The following ZDHHC23 variants were observed in gnomAD, a reference collection of about 807,000 sequenced individuals.
The protein encoded by ZDHHC23 is zDHHC palmitoyltransferase 23, also known as palmitoyltransferase ZDHHC23.
ZDHHC23 carries 41 observed loss-of-function variants against 40.2 expected under a neutral mutation model. The observed-to-expected ratio is 1.02, with a 90% CI of 0.79 to 1.32. The LOEUF (loss-of-function observed/expected upper bound fraction) is 1.32. ZDHHC23 is among the 40% of genes most tolerant of loss of function. The pLI is 0.00. For missense variants in ZDHHC23, 471 were observed against 541.5 expected, an observed-to-expected ratio of 0.87 and a Z score of 1.29; for synonymous variants, 204 against 210.2, an observed-to-expected ratio of 0.97 and a Z score of 0.26.
chr3:113,972,985 G>A, the ZDHHC23 span, among the ~76,000 whole-genome samples: 7 of 151,950 alleles, frequency 4.6e-5, no homozygotes, highest in African/African-American at 1.7e-4. Flanking sequence ...GCATACAGTT[G>A]GATCTTGTTT....
chr3:113,955,148 C>T (rs1160469784), intron 3 of ZDHHC23, among the ~76,000 whole-genome samples: 1 of 152,156 alleles, frequency 6.6e-6, no homozygotes, highest in African/African-American at 2.4e-5. Flanking sequence ...TGAATTAATG[C>T]TTTTCGTGTC....
chr3:113,965,369 T>A (rs1312254632), downstream of ZDHHC23: 1 of 1,530,164 alleles, frequency 6.5e-7, no homozygotes, highest in South Asian at 1.3e-5. Context: ...CCTTTAAGAA[T>A]AAAGAAGGAA....
chr3:113,974,111 C>G, the ZDHHC23 span, among the ~76,000 whole-genome samples: 1 of 151,796 alleles, frequency 6.6e-6, no homozygotes, highest in African/African-American at 2.4e-5. Flanking sequence ...TTTCTCAGTT[C>G]CAAGATTTGT....
chr3:113,951,212 G>A (rs1461845527), intron 2 of ZDHHC23, among the ~76,000 whole-genome samples: 1 of 152,142 alleles, frequency 6.6e-6, no homozygotes, highest in East Asian at 1.9e-4. Context: ...TGCCTCAGTG[G>A]GGTCTCTCTG....
chr3:113,967,006 C>T (rs914211899), downstream of ZDHHC23, among the ~76,000 whole-genome samples: 13 of 151,822 alleles, frequency 8.6e-5, no homozygotes, highest in East Asian at 3.9e-4. Context: ...GGCTGAGGCA[C>T]GAGAATCACT....
At chr3:113,973,883 T>G in the ZDHHC23 span, among the ~76,000 whole-genome samples, 1 of 151,724 alleles carries the variant, frequency 6.6e-6, no homozygotes, top group South Asian at 2.1e-4. Flanking sequence ...TACCCCTTGT[T>G]CTCATTCAAG....
chr3:113,958,309 G>A, intron 4 of ZDHHC23, 54 bp from the exon 5 acceptor site: 1 of 1,504,958 alleles, frequency 6.6e-7, no homozygotes, highest in South Asian at 1.2e-5. Context: ...AATGATGACA[G>A]TTTTCTGAAT....
At position 113,953,940 on chromosome 3, in the gene ZDHHC23, G is replaced by A; in HGVS notation, c.402G>A (p.Arg134=). ...ALWYYYLTHR[R]KEQTLFFLSL... is the part of the protein sequence containing the mutation. ...GGTACTACTACCTCACTCACAGAAG[G>A]AAAGAACAGACCCTGTTTTTCCTGA... The change falls in exon 3 of 5, where the codon AGG becomes AGA. Residue 134 remains arginine (R), a synonymous_variant. Transcript: ENST00000638807. The A allele has an allele frequency of 6.2e-7, 1 of 1,614,130 alleles. No individual in the cohort carries two copies. The highest frequency in any genetic ancestry group is 8.5e-7 in the Non-Finnish European group (1 of 1,180,028).
chr3:113,956,860 A>G (rs1426058508), intron 4 of ZDHHC23, among the ~76,000 whole-genome samples: 1 of 152,210 alleles, frequency 6.6e-6, no homozygotes, highest in East Asian at 1.9e-4. Context: ...ATATGTGCCT[A>G]TTTTGTCATA....
At chr3:113,955,791 T>C (rs1034893186) in intron 3 of ZDHHC23, among the ~76,000 whole-genome samples, 16 of 152,240 alleles carry the variant, frequency 1.1e-4, no homozygotes, top group Non-Finnish European at 2.1e-4. Flanking sequence ...CAGGTTCTGC[T>C]TTTTATACTT....
Position 113,948,779 on chromosome 3 carries a change from G to A in ZDHHC23, c.-24G>A, listed in dbSNP as rs778347597. The A allele has an allele frequency of 2.3e-5, 37 of 1,613,632 alleles. No individual in the cohort carries two copies. In the East Asian group the frequency reaches 7.8e-4, roughly 34 times the overall value. On this transcript the variant is annotated 5_prime_UTR_variant, in exon 2 of 5. Coordinates refer to ENST00000638807, the MANE Select transcript of ZDHHC23 (RefSeq NM_001320466.2). ...CCTTTACCTTCTGAGGGCTTCTTAC[G>A]CCTCATGGTGACAGGTGCAAATCAT...
chr3:113,948,940 A>T lies in ZDHHC23; in HGVS notation c.138A>T (p.Gln46His), dbSNP rs558703177. 4.3e-6 allele frequency: 7 copies of T among 1,614,212 alleles called. No individual in the cohort carries two copies. Among genetic ancestry groups the T allele is most frequent in the Non-Finnish European group, 5.9e-6 (7 of 1,180,038 alleles). Residue 46 changes from glutamine to histidine, a missense_variant, in exon 2 of 5, where the codon CAA (glutamine) becomes CAT (histidine). Around this residue, in one of 3 missense-constraint regions of ZDHHC23, gnomAD observed 83 missense variants for 67.8 expected, o/e 1.22. Coordinates refer to ENST00000638807, the MANE Select transcript of ZDHHC23 (RefSeq NM_001320466.2). ...NHVATCLCDC[Q>H]DLDEGCDRWI... Reference sequence around the variant, plus strand: ...TGGCTACTTGTTTGTGTGATTGTCAAGATCTGGATGAAGGGTGTGATCGGT... The same window carrying T: ...TGGCTACTTGTTTGTGTGATTGTCATGATCTGGATGAAGGGTGTGATCGGT...
intron 4 of ZDHHC23, chr3:113,957,660 TA>T: frequency 2.1e-6 from 1 of 483,590 alleles, no homozygotes; most frequent in Non-Finnish European, 4.1e-6. Context: ...CTTCAGCTTT[TA>T]CAAATGAAGA....
At chr3:113,969,801 T>A (rs1339000922), downstream of ZDHHC23, among the ~76,000 whole-genome samples, 1 of 152,224 alleles carries the variant, frequency 6.6e-6, no homozygotes, top group Non-Finnish European at 1.5e-5. Context: ...AGCTTTGTTC[T>A]TTTTGCTTAG....
At chr3:113,978,405 C>G in the ZDHHC23 span, 1 of 1,442,858 alleles carries the variant, frequency 6.9e-7, no homozygotes, top group African/African-American at 1.4e-5. Flanking sequence ...ATAAACAGCA[C>G]AAAAGACAGA....
the ZDHHC23 span, among the ~76,000 whole-genome samples, chr3:113,975,407 C>G: frequency 1.3e-5 from 2 of 152,088 alleles, no homozygotes; most frequent in African/African-American, 4.8e-5. Context: ...CTCTGAATAT[C>G]AATTTTTTAA....
chr3:113,950,984 C>T (rs1327658539), intron 2 of ZDHHC23, among the ~76,000 whole-genome samples: 1 of 152,230 alleles, frequency 6.6e-6, no homozygotes, highest in East Asian at 1.9e-4. Flanking sequence ...TAATCTTGGA[C>T]TTGATGTCCT....
chr3:113,949,077 G>C (rs1416511674), intron 2 of ZDHHC23, 114 bp downstream of exon 2: 9 of 1,403,020 alleles, frequency 6.4e-6, no homozygotes, highest in Non-Finnish European at 8.7e-6. Context: ...CTATTTCCAA[G>C]CATCTAAAAT....
the ZDHHC23 span, among the ~76,000 whole-genome samples, chr3:113,977,414 G>A: frequency 6.6e-6 from 1 of 152,146 alleles, no homozygotes; most frequent in African/African-American, 2.4e-5. Flanking sequence ...AAAGGGAAGT[G>A]CATAATGAAA....
Sources: gnomAD v4.1 joint callset for allele counts (sites outside exome capture counted in the v4.1 genomes callset) on GRCh38, gnomAD v4.1.1 for gene constraint, gnomAD v4.1.1 regional missense constraint, MANE v1.5 for transcripts, NCBI Gene and HGNC (gene_info 2026-07-23, HGNC 2026-07-21) for gene names.